The following DPP6 variants were observed in gnomAD, a reference collection of about 807,000 sequenced individuals.
The protein encoded by DPP6 is A-type potassium channel modulatory protein DPP6.
Under a neutral mutation model 122.6 loss-of-function variants are expected in DPP6, and 69 were observed. The observed-to-expected ratio is 0.56, with a 90% CI of 0.46 to 0.69. DPP6 has a LOEUF of 0.69. Among genes scored for constraint, DPP6 ranks in the 30% least tolerant of loss-of-function variants. The probability of loss-of-function intolerance (pLI) is 0.00; values close to 1 mark genes in which losing one functional copy is unlikely to be tolerated. For missense variants in DPP6, 928 were observed against 1,116.9 expected (o/e 0.83, Z 2.41); for synonymous variants, 418 against 433.1 (o/e 0.97, Z 0.43).
intron 1 of DPP6, among the ~76,000 whole-genome samples, chr7:154,041,175 GTTCTC>G (rs1460533020): frequency 7.9e-5 from 12 of 151,898 alleles, no homozygotes. Context: ...CACAAAACAT[GTTCTC>G]TTCTCTTCAC....
In DPP6 at chr7:154,690,077, T is replaced by C. The variant is rs111609137; in HGVS notation, c.762+20636T>C. 2.1e-3 allele frequency among the ~76,000 whole-genome samples: 326 copies of C among 152,300 alleles called. 7 individuals carry two copies. The highest frequency in any genetic ancestry group is 7.3e-3 in the African/African-American group (304 of 41,568). On this transcript the variant is annotated intron_variant, in intron 7 of 25. Transcript: ENST00000377770. ...GCACCAGTGTGCTTATAAACATAAA[T>C]TCAGGCCCTAAAATCAGGATAGAAG...
At chr7:154,668,441 C>T (rs1029166770) in intron 6 of DPP6, among the ~76,000 whole-genome samples, 19 of 151,358 alleles carry the variant, frequency 1.3e-4, no homozygotes, top group African/African-American at 4.4e-4. Flanking sequence ...AGGATGGTCT[C>T]GATCTCCTGA....
intron 1 of DPP6, among the ~76,000 whole-genome samples, chr7:153,949,385 A>G (rs1287897980): frequency 6.6e-6 from 1 of 152,024 alleles, no homozygotes; most frequent in Non-Finnish European, 1.5e-5. Flanking sequence ...ATTTCTTTCC[A>G]GTCTCGGAGA....
intron 9 of DPP6, among the ~76,000 whole-genome samples, chr7:154,770,307 C>T (rs1191379579): frequency 6.6e-6 from 1 of 152,142 alleles, no homozygotes; most frequent in Non-Finnish European, 1.5e-5. Flanking sequence ...GGGAAACTCA[C>T]CTTTTTAAAA....
intron 16 of DPP6, among the ~76,000 whole-genome samples, chr7:154,830,190 T>G (rs1336602477): frequency 6.6e-6 from 1 of 152,206 alleles, no homozygotes; most frequent in African/African-American, 2.4e-5. Flanking sequence ...ATCTTGAAAA[T>G]CCACATTCGC....
At chr7:154,423,568 A>T (rs1160352124) in intron 1 of DPP6, among the ~76,000 whole-genome samples, 1 of 152,218 alleles carries the variant, frequency 6.6e-6, no homozygotes, top group African/African-American at 2.4e-5. Flanking sequence ...GCCTAGTTAA[A>T]AAAGGATTCA....
chr7:154,862,289 T>C (rs1803474356), intron 17 of DPP6, among the ~76,000 whole-genome samples: 1 of 152,234 alleles, frequency 6.6e-6, no homozygotes, highest in Non-Finnish European at 1.5e-5. Flanking sequence ...GGCATGTCCA[T>C]TCTCAGCACA....
intron 1 of DPP6, among the ~76,000 whole-genome samples, chr7:154,030,933 C>T (rs1209981186): frequency 6.6e-6 from 1 of 152,146 alleles, no homozygotes; most frequent in Non-Finnish European, 1.5e-5. Context: ...GCCCCCTCTT[C>T]TGGACTCCCC....
At chr7:153,907,490 A>G (rs914985600) in intron 1 of DPP6, among the ~76,000 whole-genome samples, 1 of 152,234 alleles carries the variant, frequency 6.6e-6, no homozygotes, top group East Asian at 1.9e-4. Flanking sequence ...AGCTAAATTT[A>G]TGTGTCCACT....
At chr7:153,877,340 C>T in the DPP6 span, among the ~76,000 whole-genome samples, 1 of 151,980 alleles carries the variant, frequency 6.6e-6, no homozygotes, top group East Asian at 1.9e-4. Flanking sequence ...TCATTTGTTA[C>T]TTTTTAAACT....
intron 1 of DPP6, among the ~76,000 whole-genome samples, chr7:154,344,867 G>C (rs1282694345): frequency 6.6e-6 from 1 of 152,138 alleles, no homozygotes. Context: ...CAGCCTGGGT[G>C]ACAGAGTGAA....
chr7:154,485,537 G>T (rs1298569027), intron 3 of DPP6, among the ~76,000 whole-genome samples: 1 of 152,158 alleles, frequency 6.6e-6, no homozygotes, highest in Non-Finnish European at 1.5e-5. Context: ...TATCCTGTCT[G>T]CACGGCCAGG....
chr7:154,891,529 G>A (rs1008700452), intron 25 of DPP6, among the ~76,000 whole-genome samples: 1 of 152,206 alleles, frequency 6.6e-6, no homozygotes, highest in East Asian at 1.9e-4. Flanking sequence ...CACACAGGGA[G>A]TAGCCAGGAC....
chr7:154,772,820 G>A (rs1563193540), intron 9 of DPP6, 25 bp from the exon 10 acceptor site: 1 of 1,605,492 alleles, frequency 6.2e-7, no homozygotes, highest in South Asian at 1.1e-5. Context: ...GCTTGTTCAT[G>A]TCTCTGCCCC....
intron 1 of DPP6, among the ~76,000 whole-genome samples, chr7:154,289,181 T>A (rs1805042621): frequency 6.6e-6 from 1 of 152,164 alleles, no homozygotes; most frequent in Non-Finnish European, 1.5e-5. Context: ...AGATTTCAAA[T>A]AGAATCGCCT....
chr7:154,525,137 T>C lies in DPP6; in HGVS notation c.458-15395T>C, dbSNP rs1827300405. ...TTCAACATCACAGAGTTTTAAATTTTAACTGAATTTCCTTTTGTTTGTTAA... is the reference window on the plus strand; with the variant it reads ...TTCAACATCACAGAGTTTTAAATTTCAACTGAATTTCCTTTTGTTTGTTAA... On this transcript the variant is annotated intron_variant, in intron 3 of 25. Transcript: ENST00000377770. 2.0e-5 allele frequency among the ~76,000 whole-genome samples: 3 copies of C among 152,232 alleles called. No individual in the cohort carries two copies. The South Asian group carries it at 6.2e-4, about 32-fold the overall frequency.
chr7:154,374,581 CTGTT>C (rs1812955385), intron 1 of DPP6, among the ~76,000 whole-genome samples: 1 of 147,442 alleles, frequency 6.8e-6, no homozygotes, highest in South Asian at 2.2e-4. Flanking sequence ...TTTTTCTTTT[CTGTT>C]TATTTTTTCT....
chr7:154,370,913 G>A (rs1812597846), intron 1 of DPP6, among the ~76,000 whole-genome samples: 1 of 152,148 alleles, frequency 6.6e-6, no homozygotes, highest in African/African-American at 2.4e-5. Flanking sequence ...GACAGGTGTG[G>A]AAACACCTTT....
chr7:154,154,870 G>A (rs1311774016), intron 1 of DPP6, among the ~76,000 whole-genome samples: 1 of 152,200 alleles, frequency 6.6e-6, no homozygotes, highest in Admixed American at 6.5e-5. Context: ...AGCCCGTGTG[G>A]CTCAGGCCCT....
Sources: allele counts gnomAD v4.1 joint callset (sites outside exome capture counted in the v4.1 genomes callset), GRCh38; gene constraint gnomAD v4.1.1; transcripts MANE v1.5; gene names NCBI Gene and HGNC (gene_info 2026-07-23, HGNC 2026-07-21).